NALF1: variants seen among roughly 807,000 people sequenced by gnomAD.
NALF1 encodes NALCN channel auxiliary factor 1, also known as family with sequence similarity 155 member A.
NALF1 carries 3 observed loss-of-function variants against 48.4 expected under a neutral mutation model. The observed-to-expected ratio is 0.06, with a 90% confidence interval of 0.03 to 0.16. NALF1 has a LOEUF of 0.16. NALF1 is among the 10% of genes least tolerant of loss of function. The pLI, the probability that NALF1 is intolerant of heterozygous loss-of-function variation, is 1.00. For synonymous variants in NALF1, 262 were observed against 245.7 expected (o/e 1.07, Z -0.62); for missense variants, 526 against 571.5 (o/e 0.92, Z 0.81).
At chr13:107,603,383 C>T (rs1042479728) in intron 1 of NALF1, among the ~76,000 whole-genome samples, 1 of 152,090 alleles carries the variant, frequency 6.6e-6, no homozygotes, top group African/African-American at 2.4e-5. Flanking sequence ...TACTCTCAAT[C>T]AGAAAAGTTG....
chr13:107,694,568 G>A (rs1375530801), intron 1 of NALF1, among the ~76,000 whole-genome samples: 1 of 152,074 alleles, frequency 6.6e-6, no homozygotes, highest in Admixed American at 6.6e-5. Context: ...AAGTATTTAG[G>A]TACTGTTAAA....
chr13:107,252,365 A>AGAGAGAAAAAGAGGAGAGAGAGG (rs1880720156), intron 1 of NALF1, among the ~76,000 whole-genome samples: 1 of 151,826 alleles, frequency 6.6e-6, no homozygotes, highest in Admixed American at 6.6e-5. Flanking sequence ...AACAGGAGGG[A>AGAGAGAAAAAGAGGAGAGAGAGG]GAGAGAAAAA....
intron 1 of NALF1, among the ~76,000 whole-genome samples, chr13:107,596,400 A>G (rs1316511537): frequency 6.6e-6 from 1 of 152,224 alleles, no homozygotes; most frequent in Non-Finnish European, 1.5e-5. Flanking sequence ...TATTCACAAT[A>G]GCAATGAATT....
chr13:107,846,889 A>C (rs1457212050), intron 1 of NALF1, among the ~76,000 whole-genome samples: 1 of 152,208 alleles, frequency 6.6e-6, no homozygotes, highest in East Asian at 1.9e-4. Flanking sequence ...TGGCCTAAGT[A>C]AGTCAATCTA....
chr13:107,257,643 C>G (rs1217710028), intron 1 of NALF1, among the ~76,000 whole-genome samples: 1 of 152,102 alleles, frequency 6.6e-6, no homozygotes, highest in African/African-American at 2.4e-5. Context: ...GTGAAGAGGT[C>G]AGCGACCCAT....
intron 1 of NALF1, among the ~76,000 whole-genome samples, chr13:107,256,480 T>C (rs1880817730): frequency 6.6e-6 from 1 of 152,232 alleles, no homozygotes; most frequent in African/African-American, 2.4e-5. Context: ...AATTAAAAAG[T>C]GCTTCATATA....
At chr13:107,624,483 T>C (rs1208655726) in intron 1 of NALF1, among the ~76,000 whole-genome samples, 1 of 152,182 alleles carries the variant, frequency 6.6e-6, no homozygotes, top group East Asian at 1.9e-4. Flanking sequence ...TCCTGTATAA[T>C]ACTTTTTAGG....
intron 1 of NALF1, among the ~76,000 whole-genome samples, chr13:107,536,196 G>A (rs1876803199): frequency 6.6e-6 from 1 of 152,118 alleles, no homozygotes. Flanking sequence ...AACACCAAAA[G>A]CAATAGCAAC....
chr13:107,204,957 G>A (rs548480686), intron 2 of NALF1, among the ~76,000 whole-genome samples: 1 of 150,794 alleles, frequency 6.6e-6, no homozygotes, highest in Non-Finnish European at 1.5e-5. Context: ...ATCTATAGAG[G>A]TATTTTTTTT....
intron 1 of NALF1, among the ~76,000 whole-genome samples, chr13:107,330,934 T>C (rs938553507): frequency 2.0e-5 from 3 of 152,214 alleles, no homozygotes; most frequent in South Asian, 4.1e-4. Context: ...TTATCTTTTC[T>C]CTACTTATGA....
chr13:107,588,850 G>A (rs1392147292), intron 1 of NALF1, among the ~76,000 whole-genome samples: 1 of 152,078 alleles, frequency 6.6e-6, no homozygotes, highest in African/African-American at 2.4e-5. Flanking sequence ...AGCATCAAGA[G>A]CATGTAAACC....
intron 1 of NALF1, among the ~76,000 whole-genome samples, chr13:107,428,289 A>G (rs946313560): frequency 2.6e-5 from 4 of 152,190 alleles, no homozygotes; most frequent in Non-Finnish European, 5.9e-5. Flanking sequence ...TTTAGAAACG[A>G]TAAGCCTCAT....
chr13:107,611,996 A>AGGAGC (rs1181136666), intron 1 of NALF1, among the ~76,000 whole-genome samples: 1 of 139,546 alleles, frequency 7.2e-6, no homozygotes, highest in African/African-American at 2.7e-5. Context: ...AGGAGAGGAG[A>AGGAGC]GGAGAGAGAC....
intron 1 of NALF1, among the ~76,000 whole-genome samples, chr13:107,251,626 G>A (rs938475068): frequency 6.6e-6 from 1 of 152,158 alleles, no homozygotes; most frequent in African/African-American, 2.4e-5. Context: ...CTGAAGGTAG[G>A]GGAGTGCAGA....
chr13:107,219,004 A>C (rs1225266821), intron 1 of NALF1, among the ~76,000 whole-genome samples: 1 of 152,206 alleles, frequency 6.6e-6, no homozygotes, highest in Non-Finnish European at 1.5e-5. Flanking sequence ...TTCACAGTAA[A>C]TAAGGAAGCG....
In NALF1 at chr13:107,394,016, G is replaced by A. The variant is rs79379430; in HGVS notation, c.916-183261C>T. ...GTAGCTGAGGAAGTAGTGTTAAAAC[G>A]TATAGGAAGTAAGTAATCAACTGGA... On this transcript the variant is annotated intron_variant, in intron 1 of 2. Coordinates refer to ENST00000375915, the MANE Select transcript of NALF1 (RefSeq NM_001080396.3). Among the ~76,000 whole-genome samples, 222 of 152,268 alleles carry A rather than the reference G, an allele frequency of 1.5e-3. 3 individuals carry two copies. In the East Asian group the frequency reaches 0.024, roughly 16 times the overall value.
chr13:107,220,418 T>A (rs1213865214), intron 1 of NALF1, among the ~76,000 whole-genome samples: 1 of 152,182 alleles, frequency 6.6e-6, no homozygotes, highest in Non-Finnish European at 1.5e-5. Context: ...AAAATGCCAG[T>A]GATTCTATTA....
chr13:107,576,870 C>G (rs984767711), intron 1 of NALF1, among the ~76,000 whole-genome samples: 1 of 152,092 alleles, frequency 6.6e-6, no homozygotes. Flanking sequence ...ATTGTTCCTA[C>G]TCTGTCAAAA....
rs141535597 is a variant in NALF1 at position 107,644,325 on chromosome 13, T to G, written c.915+221357A>C. 7.3e-3 allele frequency among the ~76,000 whole-genome samples: 1,108 copies of G among 151,894 alleles called. 22 individuals are homozygous for G. The highest frequency in any genetic ancestry group is 0.026 in the African/African-American group (1,069 of 41,428). On this transcript the variant is annotated intron_variant, in intron 1 of 2. Transcript: ENST00000375915. ...CTTCTGTTGACACAGGAAACACTACTACATACTCAGAAACATACGTCTATT... is the reference window on the plus strand; with the variant it reads ...CTTCTGTTGACACAGGAAACACTACGACATACTCAGAAACATACGTCTATT...
Sources: gnomAD v4.1 joint callset for allele counts (sites outside exome capture counted in the v4.1 genomes callset) on GRCh38, gnomAD v4.1.1 for gene constraint, MANE v1.5 for transcripts, NCBI Gene and HGNC (gene_info 2026-07-23, HGNC 2026-07-21) for gene names.